Variants in CEP85L observed in about 807,000 individuals in gnomAD.
CEP85L encodes centrosomal protein 85L, also known as centrosomal protein of 85 kDa-like.
A neutral mutation model predicts 100.3 loss-of-function variants in CEP85L; 60 were observed. That is an observed-to-expected ratio of 0.60 (90% CI 0.49 to 0.74). The LOEUF (loss-of-function observed/expected upper bound fraction) is 0.74, where lower values mean the gene tolerates loss of function less well. CEP85L is among the 30% of genes least tolerant of loss of function. The pLI is 0.00. For missense variants in CEP85L, 973 were observed against 936.2 expected (o/e 1.04, Z -0.51); for synonymous variants, 319 against 322.7 (o/e 0.99, Z 0.12).
intron 5 of CEP85L, chr6:118,502,108 C>T: frequency 9.1e-7 from 1 of 1,095,092 alleles, no homozygotes; most frequent in African/African-American, 1.6e-5. Context: ...CCCTATGAGA[C>T]TGGGAATGAC....
chr6:118,521,737 A>G (rs575728638), intron 4 of CEP85L, among the ~76,000 whole-genome samples: 2 of 152,296 alleles, frequency 1.3e-5, no homozygotes, highest in East Asian at 3.9e-4. Context: ...AGGATGACAG[A>G]ACATGTGGAG....
At chr6:118,578,022 T>A (rs1306882786) in intron 2 of CEP85L, among the ~76,000 whole-genome samples, 1 of 152,074 alleles carries the variant, frequency 6.6e-6, no homozygotes, top group African/African-American at 2.4e-5. Flanking sequence ...GAACAACAAA[T>A]CTAAAATATG....
At chr6:118,596,577 A>G (rs558972827) in intron 2 of CEP85L, among the ~76,000 whole-genome samples, 18 of 152,282 alleles carry the variant, frequency 1.2e-4, no homozygotes, top group Middle Eastern at 3.4e-3. Flanking sequence ...ACATCAACAC[A>G]CATAGCAGGC....
At chr6:118,613,248 A>T (rs1195361648) in intron 2 of CEP85L, among the ~76,000 whole-genome samples, 1 of 152,018 alleles carries the variant, frequency 6.6e-6, no homozygotes, top group African/African-American at 2.4e-5. Flanking sequence ...GAAATGAAAC[A>T]GGAGACATCA....
At chr6:118,699,459 A>C (rs1193838967) in intron 1 of CEP85L, among the ~76,000 whole-genome samples, 12 of 151,374 alleles carry the variant, frequency 7.9e-5, no homozygotes, top group African/African-American at 2.9e-4. Context: ...TGTCTCAAAA[A>C]AAAAAAAAAG....
At chr6:118,701,147 T>C (rs967665166) in intron 1 of CEP85L, among the ~76,000 whole-genome samples, 1 of 152,232 alleles carries the variant, frequency 6.6e-6, no homozygotes, top group Non-Finnish European at 1.5e-5. Flanking sequence ...ATTGGACAGC[T>C]TTCGAGGATG....
intron 2 of CEP85L, among the ~76,000 whole-genome samples, chr6:118,628,661 CAAACAAACA>C (rs1414385231): frequency 1.3e-5 from 2 of 151,796 alleles, no homozygotes; most frequent in Non-Finnish European, 2.9e-5. Flanking sequence ...AACAAACAAA[CAAACAAACA>C]AAACACATTA....
At position 118,651,456 on chromosome 6, in the gene CEP85L, C is replaced by A. The variant is rs1775555966; in HGVS notation, c.-187G>T. 3.0e-5 allele frequency: 39 copies of A among 1,318,970 alleles called. No individual in the cohort carries two copies. Among genetic ancestry groups the A allele is most frequent in the Non-Finnish European group, 3.7e-5 (38 of 1,037,584 alleles). 81.7% of individuals were successfully genotyped at this position (1,318,970 alleles called of 1,614,324 possible). ...CGCAGGGGCCAGATTCGCCGCACTG[C>A]CGGCGCCTGCCATGGCCAAGCCGGC... On this transcript the variant is annotated 5_prime_UTR_variant, in exon 1 of 13. Coordinates refer to ENST00000368491, the MANE Select transcript of CEP85L (RefSeq NM_001042475.3).
chr6:118,575,897 C>T (rs1411317623), intron 2 of CEP85L, among the ~76,000 whole-genome samples: 1 of 151,990 alleles, frequency 6.6e-6, no homozygotes, highest in African/African-American at 2.4e-5. Flanking sequence ...GTTGACTATA[C>T]TGAAATGCCC....
chr6:118,589,706 G>A (rs972413223), intron 2 of CEP85L: 7 of 264,458 alleles, frequency 2.6e-5, no homozygotes, highest in African/African-American at 1.4e-4. Flanking sequence ...ATGAACATGG[G>A]CATGGCTGCG....
intron 4 of CEP85L, among the ~76,000 whole-genome samples, chr6:118,517,028 A>G (rs185186090): frequency 2.0e-5 from 3 of 151,406 alleles, no homozygotes; most frequent in Admixed American, 1.3e-4. Context: ...GCTTGTTTTC[A>G]TCAGGTTTGT....
At chr6:118,604,401 T>C (rs921065962) in intron 2 of CEP85L, among the ~76,000 whole-genome samples, 2 of 152,194 alleles carry the variant, frequency 1.3e-5, no homozygotes, top group Non-Finnish European at 2.9e-5. Flanking sequence ...TTTCACACCA[T>C]CCACAACTGT....
chr6:118,581,282 T>C (rs553961631), intron 2 of CEP85L, among the ~76,000 whole-genome samples: 21 of 152,232 alleles, frequency 1.4e-4, no homozygotes, highest in African/African-American at 5.1e-4. Context: ...GTAAGGGGAT[T>C]TTAAGTCTGG....
At chr6:118,546,656 GAT>G (rs1282056630) in intron 3 of CEP85L, among the ~76,000 whole-genome samples, 1 of 152,048 alleles carries the variant, frequency 6.6e-6, no homozygotes, top group Non-Finnish European at 1.5e-5. Flanking sequence ...TAAACAGACA[GAT>G]CTGGATTTGA....
At chr6:118,572,619 T>C (rs1401097234) in intron 2 of CEP85L, among the ~76,000 whole-genome samples, 1 of 152,116 alleles carries the variant, frequency 6.6e-6, no homozygotes, top group African/African-American at 2.4e-5. Context: ...ATTCTCTATA[T>C]TTTTAGGTAA....
intron 3 of CEP85L, among the ~76,000 whole-genome samples, chr6:118,542,047 C>G: frequency 6.6e-6 from 1 of 152,022 alleles, no homozygotes; most frequent in East Asian, 1.9e-4. Context: ...GAGAATTTAA[C>G]AGATTTATTT....
chr6:118,644,559 C>A (rs1467715063), intron 1 of CEP85L, among the ~76,000 whole-genome samples: 1 of 152,058 alleles, frequency 6.6e-6, no homozygotes, highest in African/African-American at 2.4e-5. Context: ...ACTCTTGATT[C>A]CATTTATTTT....
At chr6:118,661,439 G>T (rs1021408649) in intron 1 of CEP85L, among the ~76,000 whole-genome samples, 1 of 151,850 alleles carries the variant, frequency 6.6e-6, no homozygotes, top group African/African-American at 2.4e-5. Flanking sequence ...TTTCAATAAG[G>T]TTTGTTATTA....
intron 1 of CEP85L, among the ~76,000 whole-genome samples, chr6:118,693,297 C>T (rs191506513): frequency 2.0e-5 from 3 of 152,254 alleles, no homozygotes; most frequent in African/African-American, 4.8e-5. Context: ...ATTATTAATA[C>T]ATTTCTTAAA....
Sources: gnomAD v4.1 joint callset for allele counts (sites outside exome capture counted in the v4.1 genomes callset) on GRCh38, gnomAD v4.1.1 for gene constraint, MANE v1.5 for transcripts, NCBI Gene and HGNC (gene_info 2026-07-23, HGNC 2026-07-21) for gene names.